ENPP6: variants seen among roughly 807,000 people sequenced by gnomAD.
ENPP6 encodes the protein ectonucleotide pyrophosphatase/phosphodiesterase 6.
A neutral mutation model predicts 42.0 loss-of-function variants in ENPP6; 32 were observed. The ratio of observed to expected loss-of-function variants is 0.76; its 90% confidence interval spans 0.58 to 1.02. The LOEUF (loss-of-function observed/expected upper bound fraction) is 1.02. Among genes scored for constraint, ENPP6 ranks in the 50% least tolerant of loss-of-function variants. ENPP6 has a pLI of 0.00. For missense variants in ENPP6, 552 were observed against 566.8 expected (o/e 0.97, Z 0.27); for synonymous variants, 213 against 216.0 (o/e 0.99, Z 0.12).
chr4:184,198,232 C>T (rs1237069868), intron 1 of ENPP6, among the ~76,000 whole-genome samples: 1 of 152,198 alleles, frequency 6.6e-6, no homozygotes, highest in African/African-American at 2.4e-5. Flanking sequence ...AAGCCCAGGC[C>T]CTGGCTCTGA....
chr4:184,186,409 G>A (rs181461058), intron 1 of ENPP6, among the ~76,000 whole-genome samples: 11 of 152,248 alleles, frequency 7.2e-5, no homozygotes, highest in East Asian at 5.8e-4. Context: ...TTCTGGGGGC[G>A]GGGTGGTGGC....
rs1488752812 is a variant in ENPP6, at chr4:184,102,388, A to G, written c.994-5020T>C. On this transcript the variant is annotated intron_variant, in intron 6 of 7. Coordinates refer to ENST00000296741, the MANE Select transcript of ENPP6 (RefSeq NM_153343.4). ...TATTATTTGCCGCTTCACATGGGCA[A>G]GGTGTGGCTTTGGCAAACTCTAGGG... Among the ~76,000 whole-genome samples the G allele has an allele frequency of 2.6e-5, 4 of 152,344 alleles. No individual in the cohort carries two copies. The South Asian group carries it at 8.3e-4, about 32-fold the overall frequency.
At position 184,184,789 on chromosome 4, in the gene ENPP6, G is replaced by A. The variant is rs1180497178; in HGVS notation, c.242-31056C>T. Among the ~76,000 whole-genome samples, 2 of 152,170 alleles carry A rather than the reference G, an allele frequency of 1.3e-5. No individual in the cohort carries two copies. The highest frequency in any genetic ancestry group is 2.9e-5 in the Non-Finnish European group (2 of 68,020). On this transcript the variant is annotated intron_variant, in intron 1 of 7. Transcript: ENST00000296741. The surrounding 1 kb of genome is among the most constrained non-coding windows in gnomAD (Gnocchi z 4.7). ...CACCAGCAGCTGGAGGACAGTCATA[G>A]AACAGATTCTCCCTCGGAGCACCGA...
At chr4:184,097,202 T>C in intron 7 of ENPP6, 43 bp downstream of exon 7, 2 of 1,612,336 alleles carry the variant, frequency 1.2e-6, no homozygotes, top group Non-Finnish European at 1.7e-6. Flanking sequence ...AGACACTTCC[T>C]TGGGAATGGG....
Position 184,117,967 on chromosome 4 carries a change from C to T in ENPP6, c.534-67G>A, listed in dbSNP as rs1349787705. On this transcript the variant is annotated intron_variant, in intron 3 of 7. Transcript: ENST00000296741. ...CGCCAGCTTGCTCCCTTATCACCCCCATAGCACTCTCTGAAGGTGTTCACG... is the reference window on the plus strand; with the variant it reads ...CGCCAGCTTGCTCCCTTATCACCCCTATAGCACTCTCTGAAGGTGTTCACG... 3.2e-6 allele frequency: 5 copies of T among 1,559,686 alleles called. No homozygotes were observed. The African/African-American group carries it at 4.1e-5, about 13-fold the overall frequency.
rs1422122523 is a variant in ENPP6 at position 184,090,185 on chromosome 4, T to C, written c.*992A>G. The C allele has an allele frequency of 1.3e-5, 2 of 152,108 alleles. No individual in the cohort carries two copies. Among genetic ancestry groups the C allele is most frequent in the African/African-American group, 4.8e-5 (2 of 41,376 alleles). The allele number at this position is 152,108 out of a possible 1,614,324, so 9.4% of individuals were successfully genotyped here. A position where few individuals can be genotyped will look rare whatever the true frequency, so the allele number is the denominator to read the frequency against. ...ATTAAGGCTTAGTGCATCACCTCTC[T>C]GAGCAACCCACCGAGATCCTTGCTG... On this transcript the variant is annotated 3_prime_UTR_variant, in exon 8 of 8. Coordinates refer to ENST00000296741, the MANE Select transcript of ENPP6 (RefSeq NM_153343.4).
intron 1 of ENPP6, among the ~76,000 whole-genome samples, chr4:184,214,307 C>T (rs1733163394): frequency 6.6e-6 from 1 of 152,066 alleles, no homozygotes; most frequent in South Asian, 2.1e-4. Flanking sequence ...TCTTCATGAT[C>T]ATGATTGGCA....
Position 184,141,075 on chromosome 4 carries a change from G to A in ENPP6, c.421+12479C>T, listed in dbSNP as rs140585917. On this transcript the variant is annotated intron_variant, in intron 2 of 7. Transcript: ENST00000296741. Reference sequence around the variant, plus strand: ...ACAAACAACCCGTCAAAAAGTGGGCGAAGGACATGAACAGACACTTCTCAA... The same window carrying A: ...ACAAACAACCCGTCAAAAAGTGGGCAAAGGACATGAACAGACACTTCTCAA... Among the ~76,000 whole-genome samples, 663 of 151,772 alleles carry A rather than the reference G, an allele frequency of 4.4e-3. 7 individuals are homozygous for A. The highest frequency in any genetic ancestry group is 0.014 in the African/African-American group (570 of 41,386).
intron 1 of ENPP6, among the ~76,000 whole-genome samples, chr4:184,192,328 A>G (rs1732722609): frequency 6.6e-6 from 1 of 152,262 alleles, no homozygotes; most frequent in Non-Finnish European, 1.5e-5. Context: ...AATAATCTCT[A>G]ATATTTATGA....
intron 2 of ENPP6, among the ~76,000 whole-genome samples, chr4:184,132,709 G>A (rs1394661799): frequency 3.3e-5 from 5 of 151,502 alleles, no homozygotes; most frequent in Non-Finnish European, 5.9e-5. Flanking sequence ...CAATCCATCA[G>A]GAATTACCTA....
At chr4:184,167,065 G>A (rs896902254) in intron 1 of ENPP6, among the ~76,000 whole-genome samples, 1 of 152,182 alleles carries the variant, frequency 6.6e-6, no homozygotes, top group African/African-American at 2.4e-5. Context: ...GGGGTTGGGA[G>A]GTAAGGATAG....
At chr4:184,202,796 T>C (rs1732925931) in intron 1 of ENPP6, among the ~76,000 whole-genome samples, 1 of 152,200 alleles carries the variant, frequency 6.6e-6, no homozygotes, top group Non-Finnish European at 1.5e-5. Context: ...TGGTGTGGAA[T>C]TGCTTGTTGC....
chr4:184,122,759 G>A (rs1736439651), intron 3 of ENPP6, among the ~76,000 whole-genome samples: 3 of 152,282 alleles, frequency 2.0e-5, no homozygotes, highest in Admixed American at 1.3e-4. Flanking sequence ...GTTATTTGGA[G>A]GTATCTGTAT....
Position 184,090,813 on chromosome 4 carries a change from G to A in ENPP6, c.*364C>T, listed in dbSNP as rs1735775771. On this transcript the variant is annotated 3_prime_UTR_variant, in exon 8 of 8. Transcript: ENST00000296741. ...GGTCTGAGGGGGTCCTTTGTGCAAG[G>A]TGGGACAGAGAGGGGCCCAGAGCCA... is the stretch of plus-strand genomic sequence containing the variant. The A allele has an allele frequency of 2.5e-6, 1 of 401,342 alleles. No homozygotes were observed. Among genetic ancestry groups the A allele is most frequent in the Non-Finnish European group, 4.4e-6 (1 of 226,560 alleles). The allele number at this position is 401,342 out of a possible 1,614,324, so 24.9% of individuals were successfully genotyped here. A position where few individuals can be genotyped will look rare whatever the true frequency, so the allele number is the denominator to read the frequency against.
chr4:184,131,968 A>C (rs7695036), intron 2 of ENPP6, among the ~76,000 whole-genome samples: 95,014 of 151,314 alleles, frequency 0.63, 30,164 homozygotes, highest in Non-Finnish European at 0.68. Flanking sequence ...GTCCTAATTC[A>C]GTCTGAAGGC....
intron 2 of ENPP6, among the ~76,000 whole-genome samples, chr4:184,144,732 C>T (rs565770215): frequency 6.6e-6 from 1 of 152,362 alleles, no homozygotes; most frequent in Admixed American, 6.5e-5. Context: ...TCACCCTAAA[C>T]AAGCTCCGAG....
chr4:184,206,776 C>G (rs529876552), intron 1 of ENPP6, among the ~76,000 whole-genome samples: 18 of 152,170 alleles, frequency 1.2e-4, no homozygotes, highest in African/African-American at 4.3e-4. Context: ...GAGTGCGAGA[C>G]AAAATGCCGT....
chr4:184,121,762 G>T (rs936108431), intron 3 of ENPP6, among the ~76,000 whole-genome samples: 21 of 152,230 alleles, frequency 1.4e-4, no homozygotes, highest in Non-Finnish European at 1.9e-4. Flanking sequence ...CTCTTGACTG[G>T]TCTAGACTGT....
chr4:184,201,742 T>TG (rs896750766), intron 1 of ENPP6, among the ~76,000 whole-genome samples: 8 of 151,992 alleles, frequency 5.3e-5, no homozygotes, highest in African/African-American at 1.9e-4. Flanking sequence ...AACACATTTT[T>TG]TTTTTTCCTC....
Sources: allele counts gnomAD v4.1 joint callset (sites outside exome capture counted in the v4.1 genomes callset), GRCh38; gene constraint gnomAD v4.1.1; non-coding constraint Gnocchi (gnomAD v3.1); transcripts MANE v1.5; gene names NCBI Gene and HGNC (gene_info 2026-07-23, HGNC 2026-07-21).